DMTF1: variants seen among roughly 807,000 people sequenced by gnomAD.
DMTF1 encodes cyclin-D-binding Myb-like transcription factor 1.
DMTF1 carries 39 observed loss-of-function variants against 91.1 expected under a neutral mutation model. That is an observed-to-expected ratio of 0.43 (90% CI 0.33 to 0.56). The LOEUF is 0.56. Among genes scored for constraint, DMTF1 ranks in the 20% least tolerant of loss-of-function variants. The pLI, the probability that DMTF1 is intolerant of heterozygous loss-of-function variation, is 0.05. For missense variants in DMTF1, 750 were observed against 914.5 expected, an observed-to-expected ratio of 0.82 and a Z score of 2.32; for synonymous variants, 338 against 309.5, an observed-to-expected ratio of 1.09 and a Z score of -0.97.
chr7:87,164,873 G>C, intron 2 of DMTF1, 61 bp from the exon 3 acceptor site: 1 of 946,478 alleles, frequency 1.1e-6, no homozygotes, highest in South Asian at 1.7e-5. Flanking sequence ...GGATTATAAG[G>C]GAATACTTCA....
chr7:87,172,277 A>G (rs1795244583), intron 5 of DMTF1, among the ~76,000 whole-genome samples: 1 of 152,208 alleles, frequency 6.6e-6, no homozygotes, highest in Non-Finnish European at 1.5e-5. Context: ...CTCTTGATTT[A>G]AAAAATCAAA....
At chr7:87,172,396 A>G (rs758350559) in intron 5 of DMTF1, among the ~76,000 whole-genome samples, 1 of 152,210 alleles carries the variant, frequency 6.6e-6, no homozygotes, top group African/African-American at 2.4e-5. Flanking sequence ...CACTATATGT[A>G]TTACCACCAG....
At position 87,190,980 on chromosome 7, in the gene DMTF1, A is replaced by G; in HGVS notation, c.1447A>G (p.Thr483Ala). The G allele has an allele frequency of 1.2e-6, 2 of 1,611,086 alleles. No individual in the cohort carries two copies. The highest frequency in any genetic ancestry group is 1.7e-6 in the Non-Finnish European group (2 of 1,178,228). Residue 483 changes from threonine to alanine, a missense_variant, in exon 14 of 18, where the codon ACA (threonine) becomes GCA (alanine). Physicochemically the swap from Thr to Ala is moderately conservative, Grantham distance 58. Coordinates refer to ENST00000331242, the MANE Select transcript of DMTF1 (RefSeq NM_001142327.2). ...ADSPATVDSE[T>A]ITLNSGTLQT... ...CTCTCCTGCTACCGTTGACTCAGAA[A>G]CAATAACACTAAACAGTGGAACACT... is the stretch of plus-strand genomic sequence containing the variant.
chr7:87,153,249 A>G (rs901086649), intron 1 of DMTF1, among the ~76,000 whole-genome samples: 2 of 151,984 alleles, frequency 1.3e-5, no homozygotes, highest in Admixed American at 1.3e-4. Context: ...TAAAGAAGGG[A>G]TGTGGGCTGG....
chr7:87,185,229 AAGTAATAGAG>A (rs1361992503), intron 11 of DMTF1, among the ~76,000 whole-genome samples: 4 of 152,338 alleles, frequency 2.6e-5, no homozygotes, highest in Non-Finnish European at 5.9e-5. Context: ...TAAGACCCTG[AAGTAATAGAG>A]ACTGTCACCA....
intron 1 of DMTF1, among the ~76,000 whole-genome samples, chr7:87,155,058 G>A (rs1790320503): frequency 6.6e-6 from 1 of 152,154 alleles, no homozygotes; most frequent in African/African-American, 2.4e-5. Context: ...TTCATTAAGT[G>A]CATTGGCTTA....
intron 12 of DMTF1, 185 bp downstream of exon 12, chr7:87,186,165 C>G (rs1562841462): frequency 1.8e-6 from 1 of 569,112 alleles, no homozygotes; most frequent in African/African-American, 1.9e-5. Flanking sequence ...GTTTGTAATT[C>G]CTAAAGCCCC....
intron 7 of DMTF1, 48 bp from the exon 8 acceptor site, chr7:87,179,497 A>G: frequency 6.9e-7 from 1 of 1,439,312 alleles, no homozygotes; most frequent in Non-Finnish European, 9.1e-7. Context: ...GTATATCCAT[A>G]TGCATTTTAT....
intron 5 of DMTF1, among the ~76,000 whole-genome samples, chr7:87,171,420 T>G (rs1795051671): frequency 6.6e-6 from 1 of 152,198 alleles, no homozygotes; most frequent in Admixed American, 6.5e-5. Context: ...GTCAGCATAG[T>G]TAAAAACCCC....
At chr7:87,170,907 T>A (rs1794922571) in intron 4 of DMTF1, 88 bp from the exon 5 acceptor site, 12 of 824,300 alleles carry the variant, frequency 1.5e-5, no homozygotes, top group Non-Finnish European at 2.2e-5. Flanking sequence ...GGAAATTAGA[T>A]GATCATGTTT....
At position 87,185,972 on chromosome 7, in the gene DMTF1, C is replaced by T. The variant is rs374800558; in HGVS notation, c.1193C>T (p.Ser398Leu). ...KRQIANHKDVSFPVLIKGLKQ... is the reference protein window; with the variant it reads ...KRQIANHKDVLFPVLIKGLKQ... ...CAAATTGCAAACCATAAGGATGTTT[C>T]GTTCCCTGGTAATGTATTACTTACT... Residue 398 changes from serine to leucine, a missense_variant, in exon 12 of 18, where the codon TCG becomes TTG. Transcript: ENST00000331242. 5.0e-6 allele frequency: 8 copies of T among 1,613,704 alleles called. No homozygotes were observed. The highest frequency in any genetic ancestry group is 5.9e-6 in the Non-Finnish European group (7 of 1,179,748).
intron 8 of DMTF1, 59 bp downstream of exon 8, chr7:87,179,761 T>G (rs1796948250): frequency 6.8e-7 from 1 of 1,465,216 alleles, no homozygotes; most frequent in South Asian, 1.4e-5. Flanking sequence ...TTTGAGGAAC[T>G]GTCCATTTTT....
chr7:87,174,017 CAT>C (rs938093243), intron 6 of DMTF1, among the ~76,000 whole-genome samples: 4 of 152,088 alleles, frequency 2.6e-5, no homozygotes, highest in Non-Finnish European at 5.9e-5. Flanking sequence ...CTCAAGGTAA[CAT>C]AGTGTTTACA....
chr7:87,165,195 A>C, intron 3 of DMTF1, 145 bp downstream of exon 3: 1 of 479,760 alleles, frequency 2.1e-6, no homozygotes, highest in Non-Finnish European at 3.7e-6. Context: ...TTTAACATAA[A>C]TGTTAGTTTT....
At chr7:87,156,846 T>G (rs1318539270) in intron 1 of DMTF1, among the ~76,000 whole-genome samples, 1 of 152,140 alleles carries the variant, frequency 6.6e-6, no homozygotes, top group Non-Finnish European at 1.5e-5. Context: ...TATACAATGA[T>G]AGAGTAATAG....
intron 15 of DMTF1, 117 bp downstream of exon 15, chr7:87,193,470 C>T (rs1354824300): frequency 1.8e-6 from 2 of 1,093,800 alleles, no homozygotes; most frequent in Non-Finnish European, 2.7e-6. Flanking sequence ...CTGTTCCAGG[C>T]ACAGTGTTAT....
rs1252474434 is a variant in DMTF1, at chr7:87,169,033, A to T, written c.233-1962A>T. On this transcript the variant is annotated intron_variant, in intron 4 of 17. Transcript: ENST00000331242. Reference sequence around the variant, plus strand: ...CTATCTTAGGCCTACCCTTCCATTTACTTAATTTCTTCCCCTTTACCTACT... The same window carrying T: ...CTATCTTAGGCCTACCCTTCCATTTTCTTAATTTCTTCCCCTTTACCTACT... 2.0e-5 allele frequency among the ~76,000 whole-genome samples: 3 copies of T among 152,320 alleles called. No individual in the cohort carries two copies. The East Asian group carries it at 5.8e-4, about 29-fold the overall frequency.
Position 87,166,510 on chromosome 7 carries a change from G to A in DMTF1, c.137G>A (p.Ser46Asn), listed in dbSNP as rs528519526. 2 of 1,613,442 alleles carry A rather than the reference G, an allele frequency of 1.2e-6. No individual in the cohort carries two copies. Among genetic ancestry groups the A allele is most frequent in the African/African-American group, 2.7e-5 (2 of 75,028 alleles). Residue 46 changes from serine (S) to asparagine (N), a missense_variant, in exon 4 of 18, where the codon AGT (serine) becomes AAT (asparagine). By Grantham distance (46) the Ser-to-Asn change is conservative. Transcript: ENST00000331242. ...NEADEIDSED[S>N]IEPPHKRLCL... is the part of the protein sequence containing the mutation. ...GCGGATGAAATAGACTCAGAAGATA[G>A]TATTGAACCTCCACATAAAAGGCTT...
At position 87,170,957 on chromosome 7, in the gene DMTF1, GTTA is replaced by G. The variant is rs759631186; in HGVS notation, c.233-32_233-30del. Reference sequence around the variant, plus strand: ...ATTTTTAGAATAATTAGAACTTGCCGTTATTATTCTGGAGATGAACGGTTCCTT... The same window carrying G: ...ATTTTTAGAATAATTAGAACTTGCCGTTATTCTGGAGATGAACGGTTCCTT... On this transcript the variant is annotated intron_variant, in intron 4 of 17. Transcript: ENST00000331242. 4 of 1,335,366 alleles carry G rather than the reference GTTA, an allele frequency of 3.0e-6. No individual in the cohort carries two copies. The East Asian group carries it at 6.9e-5, about 23-fold the overall frequency. 82.7% of individuals were successfully genotyped at this position (1,335,366 alleles called of 1,614,324 possible). A position where few individuals can be genotyped will look rare whatever the true frequency, so the allele number is the denominator to read the frequency against.
Sources: allele counts gnomAD v4.1 joint callset (sites outside exome capture counted in the v4.1 genomes callset), GRCh38; gene constraint gnomAD v4.1.1; transcripts MANE v1.5; gene names NCBI Gene and HGNC (gene_info 2026-07-23, HGNC 2026-07-21).